Variants in IL17RD observed in about 807,000 individuals in gnomAD.
The protein encoded by IL17RD is interleukin-17 receptor D.
In IL17RD, 52 loss-of-function variants were observed where a neutral mutation model predicts 80.5. That is an observed-to-expected ratio of 0.65 (90% CI 0.52 to 0.81). The LOEUF (loss-of-function observed/expected upper bound fraction) is 0.81, where lower values mean the gene tolerates loss of function less well. IL17RD is among the 40% of genes least tolerant of loss of function. The pLI is 0.00. For synonymous variants in IL17RD, 416 were observed against 391.8 expected, an observed-to-expected ratio of 1.06 and a Z score of -0.73; for missense variants, 1,024 against 955.1, an observed-to-expected ratio of 1.07 and a Z score of -0.95.
intron 1 of IL17RD, among the ~76,000 whole-genome samples, chr3:57,133,032 A>ATCTATG (rs1334748585): frequency 6.6e-6 from 1 of 152,160 alleles, no homozygotes; most frequent in Non-Finnish European, 1.5e-5. Context: ...AAAATGAATA[A>ATCTATG]TCTATGTCTC....
At chr3:57,101,463 T>A in intron 10 of IL17RD, 100 bp from the exon 11 acceptor site, 1 of 731,756 alleles carries the variant, frequency 1.4e-6, no homozygotes, top group Non-Finnish European at 2.2e-6. Context: ...AGAACACGTC[T>A]ACCTAGAGCA....
At chr3:57,153,114 C>T (rs1407784855) in intron 1 of IL17RD, among the ~76,000 whole-genome samples, 2 of 152,174 alleles carry the variant, frequency 1.3e-5, no homozygotes, top group Non-Finnish European at 2.9e-5. Flanking sequence ...AAGTTTATTA[C>T]AGGATAGCAC....
intron 12 of IL17RD, 171 bp downstream of exon 12, chr3:57,097,423 CAT>C (rs1207091955): frequency 1.9e-5 from 12 of 620,378 alleles, no homozygotes; most frequent in Non-Finnish European, 2.9e-5. Context: ...GCAACTCAAA[CAT>C]GTGAGTACTC....
chr3:57,133,816 G>T (rs778944847), intron 1 of IL17RD, among the ~76,000 whole-genome samples: 1 of 152,162 alleles, frequency 6.6e-6, no homozygotes, highest in African/African-American at 2.4e-5. Flanking sequence ...TGTGTTCCTA[G>T]TCCTCTCCTA....
At chr3:57,110,434 C>T (rs1467634142) in intron 3 of IL17RD, 123 bp from the exon 4 acceptor site, 1 of 1,085,878 alleles carries the variant, frequency 9.2e-7, no homozygotes, top group Non-Finnish European at 1.3e-6. Context: ...TAACTGTGGC[C>T]AGGGTATCTG....
chr3:57,156,048 TA>T (rs1559487171), intron 1 of IL17RD, among the ~76,000 whole-genome samples: 12 of 152,210 alleles, frequency 7.9e-5, no homozygotes. Context: ...GAGAACCTAC[TA>T]TGTGCCAGGC....
At chr3:57,166,862 C>T (rs535622715), upstream of IL17RD, among the ~76,000 whole-genome samples, 1 of 152,342 alleles carries the variant, frequency 6.6e-6, no homozygotes, top group South Asian at 2.1e-4. Context: ...CCCTCTCCTT[C>T]TCTGGCCTGG....
At chr3:57,153,886 C>T (rs910532617) in intron 1 of IL17RD, among the ~76,000 whole-genome samples, 10 of 152,104 alleles carry the variant, frequency 6.6e-5, no homozygotes, top group African/African-American at 2.2e-4. Context: ...AGGTGACTAG[C>T]TGCCTGCTTG....
chr3:57,168,765 G>A (rs1013311572), upstream of IL17RD, among the ~76,000 whole-genome samples: 3 of 152,144 alleles, frequency 2.0e-5, no homozygotes, highest in Admixed American at 6.5e-5. Context: ...TGCCCAGGTT[G>A]GAGTGCAATG....
intron 7 of IL17RD, among the ~76,000 whole-genome samples, chr3:57,105,552 A>AAAAAAAAT: frequency 4.7e-5 from 3 of 63,590 alleles, no homozygotes; most frequent in Non-Finnish European, 8.4e-5. Flanking sequence ...AAAAAAAAAA[A>AAAAAAAAT]ATATATATAT....
At chr3:57,157,162 AC>A (rs1212623602) in intron 1 of IL17RD, among the ~76,000 whole-genome samples, 3 of 152,132 alleles carry the variant, frequency 2.0e-5, no homozygotes, top group Admixed American at 1.3e-4. Flanking sequence ...CTGGGAACCA[AC>A]TGAGACATGG....
chr3:57,169,845 C>A (rs1344846524), upstream of IL17RD, among the ~76,000 whole-genome samples: 2 of 151,706 alleles, frequency 1.3e-5, no homozygotes, highest in African/African-American at 4.8e-5. Flanking sequence ...CCCTGAGACC[C>A]CACAAGACTG....
At chr3:57,164,864 C>CG in intron 1 of IL17RD, 1 of 1,159,446 alleles carries the variant, frequency 8.6e-7, no homozygotes, top group Non-Finnish European at 1.1e-6. Flanking sequence ...GTGGGGCGCC[C>CG]GGCCCAGCCC....
intron 1 of IL17RD, among the ~76,000 whole-genome samples, chr3:57,122,057 A>G (rs981492166): frequency 2.0e-5 from 3 of 152,228 alleles, no homozygotes; most frequent in Admixed American, 6.5e-5. Context: ...ATTTCAAATC[A>G]CACCCTGGCC....
chr3:57,092,264 T>C lies in IL17RD; in HGVS notation c.*4129A>G, dbSNP rs1022342652. ...AAAATTATGCCAAGAGCTAAAACTA[T>C]AAACAAAGCCCTTTAGGTTGTGGAG... On this transcript the variant is annotated 3_prime_UTR_variant, in exon 13 of 13. Coordinates refer to ENST00000296318, the MANE Select transcript of IL17RD (RefSeq NM_017563.5). The C allele has an allele frequency of 1.3e-5, 2 of 152,592 alleles. No individual in the cohort carries two copies. The highest frequency in any genetic ancestry group is 4.8e-5 in the African/African-American group (2 of 41,432). The allele number at this position is 152,592 out of a possible 1,614,324, so 9.5% of individuals were successfully genotyped here.
rs777778083 is a variant in IL17RD at position 57,120,247 on chromosome 3, G to A, written c.184+9C>T. ...GCTCCATTCTTCAGCAATAAAGGCG[G>A]TTACTTACTGTCATATTTGAAGGTG... On this transcript the variant is annotated intron_variant, in intron 2 of 12. Transcript: ENST00000296318. 1 of 1,604,684 alleles carries A rather than the reference G, an allele frequency of 6.2e-7. No individual in the cohort carries two copies. The highest frequency in any genetic ancestry group is 1.1e-5 in the South Asian group (1 of 90,880).
At chr3:57,142,334 G>C (rs1707844215) in intron 1 of IL17RD, 1 of 421,072 alleles carries the variant, frequency 2.4e-6, no homozygotes, top group Non-Finnish European at 4.7e-6. Flanking sequence ...GTCCAGATGT[G>C]CTTAAAAATT....
intron 1 of IL17RD, among the ~76,000 whole-genome samples, chr3:57,133,869 C>T (rs894734926): frequency 1.3e-5 from 2 of 152,192 alleles, no homozygotes; most frequent in African/African-American, 4.8e-5. Flanking sequence ...CTTGTCCCTT[C>T]ACCTGTCAAC....
chr3:57,102,109 T>G (rs1217565237), intron 10 of IL17RD, among the ~76,000 whole-genome samples: 1 of 152,122 alleles, frequency 6.6e-6, no homozygotes, highest in Admixed American at 6.6e-5. Context: ...AAAAAAATTT[T>G]TTTTTAAAAT....
Sources: allele counts gnomAD v4.1 joint callset (sites outside exome capture counted in the v4.1 genomes callset), GRCh38; gene constraint gnomAD v4.1.1; transcripts MANE v1.5; gene names NCBI Gene and HGNC (gene_info 2026-07-23, HGNC 2026-07-21).